The following PPP5C variants were observed in gnomAD, a reference collection of about 807,000 sequenced individuals.
PPP5C encodes the protein protein phosphatase 5 catalytic subunit, also known as serine/threonine-protein phosphatase 5.
Under a neutral mutation model 66.7 loss-of-function variants are expected in PPP5C, and 21 were observed. That is an observed-to-expected ratio of 0.31 (90% confidence interval 0.22 to 0.45). The LOEUF (loss-of-function observed/expected upper bound fraction) is 0.45. Ranked by LOEUF, PPP5C falls within the 20% of genes least tolerant of loss-of-function variation. The probability of loss-of-function intolerance (pLI) is 1.00; values close to 1 mark genes in which losing one functional copy is unlikely to be tolerated. For synonymous variants in PPP5C, 246 were observed against 257.4 expected (o/e 0.96, Z 0.43); for missense variants, 464 against 675.9 (o/e 0.69, Z 3.48).
Position 46,370,562 on chromosome 19 carries a change from CT to C in PPP5C, c.364-5040del, listed in dbSNP as rs1345125392. On this transcript the variant is annotated intron_variant, in intron 2 of 12. Transcript: ENST00000012443. Reference sequence around the variant, plus strand: ...TCAGAAAAATGTCCATGGTGGTTCGCTTGGCTTCTTTTTTCGTCATGGATTT... The same window carrying C: ...TCAGAAAAATGTCCATGGTGGTTCGCTGGCTTCTTTTTTCGTCATGGATTT... Among the ~76,000 whole-genome samples, 44 of 152,254 alleles carry C rather than the reference CT, an allele frequency of 2.9e-4. No individual in the cohort carries two copies. In the East Asian group the frequency reaches 8.3e-3, roughly 29 times the overall value.
Position 46,383,491 on chromosome 19 carries a change from G to T in PPP5C, c.699+15G>T. On this transcript the variant is annotated intron_variant, in intron 5 of 12. Coordinates refer to ENST00000012443, the MANE Select transcript of PPP5C (RefSeq NM_006247.4). This position sits in a 1 kb window ranked among gnomAD's most constrained non-coding sequence, Gnocchi z 5.0. ...CACTCAAAGAGGTGCGCGTTGTGGG[G>T]CAGTGCGGGGAGGGCCAGCGGGGGT... 1 of 1,595,114 alleles carries T rather than the reference G, an allele frequency of 6.3e-7. No individual in the cohort carries two copies. Among genetic ancestry groups the T allele is most frequent in the Non-Finnish European group, 8.6e-7 (1 of 1,167,580 alleles).
Position 46,390,900 on chromosome 19 carries a change from C to G in PPP5C, c.*554C>G, listed in dbSNP as rs1031241613. The G allele has an allele frequency of 1.5e-5, 17 of 1,169,432 alleles. No individual in the cohort carries two copies. The highest frequency in any genetic ancestry group is 1.4e-4 in the African/African-American group (9 of 62,234). 72.4% of individuals were successfully genotyped at this position (1,169,432 alleles called of 1,614,324 possible). A position where few individuals can be genotyped will look rare whatever the true frequency, so the allele number is the denominator to read the frequency against. ...CGAAGGAGCTGCCCGGGTTGGGTTA[C>G]GCCTGCTCAGGAGATCCGGAGGGTG... On this transcript the variant is annotated 3_prime_UTR_variant, in exon 13 of 13. Coordinates refer to ENST00000012443, the MANE Select transcript of PPP5C (RefSeq NM_006247.4).
Position 46,388,358 on chromosome 19 carries a change from A to AC in PPP5C, c.1136-45dup. The AC allele has an allele frequency of 6.4e-7, 1 of 1,560,566 alleles. No individual in the cohort carries two copies. On this transcript the variant is annotated intron_variant, in intron 9 of 12. Coordinates refer to ENST00000012443, the MANE Select transcript of PPP5C (RefSeq NM_006247.4). This position sits in a 1 kb window ranked among gnomAD's most constrained non-coding sequence, Gnocchi z 4.9. Reference sequence around the variant, plus strand: ...GCCAGGAGGTGGCCTGTGAGTGACCACCCCCGGGGAGGTGGACGAGTCCCT... The same window carrying AC: ...GCCAGGAGGTGGCCTGTGAGTGACCACCCCCCGGGGAGGTGGACGAGTCCCT...
In PPP5C at chr19:46,390,369, A is replaced by G. The variant is rs1472011461; in HGVS notation, c.*23A>G. The stretch of plus-strand genomic sequence containing the variant: ...TGAGGTGACGGGCGGGGCGGCCTGC[A>G]TCCCAGGGCCCCTCCAATCCCACCG... On this transcript the variant is annotated 3_prime_UTR_variant, in exon 13 of 13. Coordinates refer to ENST00000012443, the MANE Select transcript of PPP5C (RefSeq NM_006247.4). The G allele has an allele frequency of 1.3e-6, 2 of 1,559,052 alleles. No individual in the cohort carries two copies. Among genetic ancestry groups the G allele is most frequent in the Non-Finnish European group, 1.7e-6 (2 of 1,151,534 alleles).
At chr19:46,362,587 A>G (rs980803927) in intron 2 of PPP5C, among the ~76,000 whole-genome samples, 4 of 151,994 alleles carry the variant, frequency 2.6e-5, no homozygotes, top group Admixed American at 2.0e-4. Flanking sequence ...TATGTATTTA[A>G]TTTATTCATT....
In PPP5C at chr19:46,353,644, T is replaced by G. The variant is rs1377231964; in HGVS notation, c.122-104T>G. On this transcript the variant is annotated intron_variant, in intron 1 of 12. Transcript: ENST00000012443. ...GATGTCTCTGGGCTCAGGGTAGCCC[T>G]CAGCTTCCCCATCTGTGAACAGGGA... is the stretch of plus-strand genomic sequence containing the variant. The G allele has an allele frequency of 7.9e-6, 12 of 1,516,192 alleles. 1 individual carries two copies. The South Asian group carries it at 1.1e-4, about 14-fold the overall frequency. 93.9% of individuals were successfully genotyped at this position (1,516,192 alleles called of 1,614,324 possible). A position where few individuals can be genotyped will look rare whatever the true frequency, so the allele number is the denominator to read the frequency against.
chr19:46,355,481 G>A (rs1294110065), intron 2 of PPP5C, among the ~76,000 whole-genome samples: 1 of 152,060 alleles, frequency 6.6e-6, no homozygotes, highest in Admixed American at 6.5e-5. Context: ...GGTGGAGGGT[G>A]GACTTCAGGC....
At chr19:46,351,888 G>T (rs1051285049) in intron 1 of PPP5C, among the ~76,000 whole-genome samples, 4 of 152,236 alleles carry the variant, frequency 2.6e-5, no homozygotes, top group African/African-American at 9.6e-5. Context: ...CCCAGCCTGG[G>T]AGTAAAGGAG....
At position 46,376,717 on chromosome 19, in the gene PPP5C, G is replaced by A; in HGVS notation, c.633+143G>A. ...ACAGGAGTCGTGTGCCGGACACTGT[G>A]CCGAGGGCTTACCACATGATCTCAT... On this transcript the variant is annotated intron_variant, in intron 4 of 12. Coordinates refer to ENST00000012443, the MANE Select transcript of PPP5C (RefSeq NM_006247.4). The surrounding 1 kb of genome is among the most constrained non-coding windows in gnomAD (Gnocchi z 5.1). The A allele has an allele frequency of 1.7e-6, 2 of 1,189,918 alleles. No individual in the cohort carries two copies. Among genetic ancestry groups the A allele is most frequent in the Non-Finnish European group, 2.3e-6 (2 of 859,224 alleles). 73.7% of individuals were successfully genotyped at this position (1,189,918 alleles called of 1,614,324 possible). A position where few individuals can be genotyped will look rare whatever the true frequency, so the allele number is the denominator to read the frequency against.
At chr19:46,375,871 C>G in intron 3 of PPP5C, 120 bp downstream of exon 3, 1 of 1,434,848 alleles carries the variant, frequency 7.0e-7, no homozygotes, top group Admixed American at 2.7e-5. Flanking sequence ...AGGCTGGTGT[C>G]TGTCGCTCCT....
intron 1 of PPP5C, among the ~76,000 whole-genome samples, chr19:46,349,315 G>C (rs576347154): frequency 1.3e-5 from 2 of 152,154 alleles, no homozygotes; most frequent in Admixed American, 1.3e-4. Context: ...AGAAGATGCA[G>C]TGTCAGGGAA....
chr19:46,375,698 C>A lies in PPP5C; in HGVS notation c.458C>A (p.Ala153Glu). The change falls in exon 3 of 13, where the codon GCG becomes GAG. Residue 153 changes from alanine (A) to glutamate (E), a missense_variant. Ala to Glu is a moderately radical substitution (Grantham distance 107). Coordinates refer to ENST00000012443, the MANE Select transcript of PPP5C (RefSeq NM_006247.4). ...CAGAAGGCCTTTGAGCGGGCCATCGCGGGCGACGAGCACAAGCGCTCCGTG... is the reference window on the plus strand; with the variant it reads ...CAGAAGGCCTTTGAGCGGGCCATCGAGGGCGACGAGCACAAGCGCTCCGTG... ...VKQKAFERAI[A>E]GDEHKRSVVD... is the part of the protein sequence containing the mutation. 1 of 1,612,392 alleles carries A rather than the reference C, an allele frequency of 6.2e-7. No homozygotes were observed. Among genetic ancestry groups the A allele is most frequent in the Non-Finnish European group, 8.5e-7 (1 of 1,179,158 alleles).
At chr19:46,362,137 A>G (rs4802308) in intron 2 of PPP5C, among the ~76,000 whole-genome samples, 80,748 of 152,016 alleles carry the variant, frequency 0.53, 21,622 homozygotes, top group South Asian at 0.74. Context: ...GACGTTCTGT[A>G]TACAGAATTG....
chr19:46,362,450 G>T (rs1972408226), intron 2 of PPP5C, among the ~76,000 whole-genome samples: 1 of 152,030 alleles, frequency 6.6e-6, no homozygotes, highest in African/African-American at 2.4e-5. Context: ...ATGAATATTT[G>T]TCATTAATTT....
rs1333744397 is a variant in PPP5C, at chr19:46,383,915, C to T, written c.798+37C>T. The T allele has an allele frequency of 1.3e-6, 2 of 1,509,680 alleles. No individual in the cohort carries two copies. The highest frequency in any genetic ancestry group is 1.7e-5 in the Admixed American group (1 of 59,818). 93.5% of individuals were successfully genotyped at this position (1,509,680 alleles called of 1,614,324 possible). A position where few individuals can be genotyped will look rare whatever the true frequency, so the allele number is the denominator to read the frequency against. ...AGCAGAGCCACCCTCTCCCCACCTC[C>T]ACCCCCAGCCGCAGCCTCAGGTCTG... On this transcript the variant is annotated intron_variant, in intron 6 of 12. Coordinates refer to ENST00000012443, the MANE Select transcript of PPP5C (RefSeq NM_006247.4). This position sits in a 1 kb window ranked among gnomAD's most constrained non-coding sequence, Gnocchi z 5.0.
Position 46,357,871 on chromosome 19 carries a change from G to A in PPP5C, c.363+3882G>A, listed in dbSNP as rs532511947. Reference sequence around the variant, plus strand: ...GAAGCTCCCTGGACCCAGTCCTTTCGGGTTTTTATGGAAGCTTCATTATGT... The same window carrying A: ...GAAGCTCCCTGGACCCAGTCCTTTCAGGTTTTTATGGAAGCTTCATTATGT... On this transcript the variant is annotated intron_variant, in intron 2 of 12. Coordinates refer to ENST00000012443, the MANE Select transcript of PPP5C (RefSeq NM_006247.4). Among the ~76,000 whole-genome samples, 8 of 152,234 alleles carry A rather than the reference G, an allele frequency of 5.3e-5. 1 individual carries two copies. Among genetic ancestry groups the A allele is most frequent in the African/African-American group, 1.9e-4 (8 of 41,536 alleles).
In PPP5C at chr19:46,388,877, C is replaced by T. The variant is rs754326177; in HGVS notation, c.1355+146C>T. ...GACGAACACCCCCGTATGTGTCACCCACCCATGCAGCACCAGTGGGGCCAG... is the reference window on the plus strand; with the variant it reads ...GACGAACACCCCCGTATGTGTCACCTACCCATGCAGCACCAGTGGGGCCAG... On this transcript the variant is annotated intron_variant, in intron 11 of 12. Transcript: ENST00000012443. This position sits in a 1 kb window ranked among gnomAD's most constrained non-coding sequence, Gnocchi z 4.9. 11 of 1,027,868 alleles carry T rather than the reference C, an allele frequency of 1.1e-5. No homozygotes were observed. The highest frequency in any genetic ancestry group is 1.6e-5 in the African/African-American group (1 of 62,454). 63.7% of individuals were successfully genotyped at this position (1,027,868 alleles called of 1,614,324 possible).
intron 2 of PPP5C, among the ~76,000 whole-genome samples, chr19:46,373,369 G>T (rs1972629836): frequency 6.6e-6 from 1 of 152,242 alleles, no homozygotes; most frequent in African/African-American, 2.4e-5. Context: ...TGGTTTTCTT[G>T]TCTGTCAGAT....
chr19:46,353,740 C>G lies in PPP5C; in HGVS notation c.122-8C>G, dbSNP rs1024671084. Reference sequence around the variant, plus strand: ...CACTGCCTCATGCCTCTTCTTCTGTCTCCGCAGCCAAGGACTACGAGAACG... The same window carrying G: ...CACTGCCTCATGCCTCTTCTTCTGTGTCCGCAGCCAAGGACTACGAGAACG... On this transcript the variant is annotated splice_polypyrimidine_tract_variant and splice_region_variant and intron_variant, in intron 1 of 12. Coordinates refer to ENST00000012443, the MANE Select transcript of PPP5C (RefSeq NM_006247.4). 6.2e-7 allele frequency: 1 copy of G among 1,614,032 alleles called. No homozygotes were observed.
Sources: allele counts gnomAD v4.1 joint callset (sites outside exome capture counted in the v4.1 genomes callset), GRCh38; gene constraint gnomAD v4.1.1; non-coding constraint Gnocchi (gnomAD v3.1); transcripts MANE v1.5; gene names NCBI Gene and HGNC (gene_info 2026-07-23, HGNC 2026-07-21).